Variants in GOSR1 observed in about 807,000 individuals in gnomAD.
The protein encoded by GOSR1 is golgi SNAP receptor complex member 1, also known as 28 kDa Golgi SNARE protein.
In GOSR1, 21 loss-of-function variants were observed where a neutral mutation model predicts 35.5. That is an observed-to-expected ratio of 0.59 (90% CI 0.42 to 0.85). The LOEUF (loss-of-function observed/expected upper bound fraction) is 0.85, where lower values mean the gene tolerates loss of function less well. GOSR1 is among the 40% of genes least tolerant of loss of function. GOSR1 has a pLI of 0.00. For synonymous variants in GOSR1, 94 were observed against 106.6 expected (o/e 0.88, Z 0.73); for missense variants, 285 against 309.6 (o/e 0.92, Z 0.60).
chr17:30,482,361 TTAA>T (rs753443266), intron 2 of GOSR1, among the ~76,000 whole-genome samples: 7 of 152,238 alleles, frequency 4.6e-5, no homozygotes, highest in Non-Finnish European at 8.8e-5. Flanking sequence ...TTTTTGCTAA[TTAA>T]TAATAATTTT....
intron 6 of GOSR1, among the ~76,000 whole-genome samples, chr17:30,505,733 T>C (rs1967377029): frequency 6.6e-6 from 1 of 152,136 alleles, no homozygotes; most frequent in Non-Finnish European, 1.5e-5. Flanking sequence ...GGGGGTTTTT[T>C]TGTTTTGTTT....
intron 6 of GOSR1, among the ~76,000 whole-genome samples, chr17:30,499,453 T>A (rs1219146229): frequency 6.6e-6 from 1 of 151,490 alleles, no homozygotes; most frequent in African/African-American, 2.4e-5. Flanking sequence ...GACATTCTCC[T>A]GCCTCAGCCT....
intron 8 of GOSR1, 75 bp from the exon 9 acceptor site, chr17:30,522,179 C>G: frequency 8.1e-7 from 1 of 1,230,038 alleles, no homozygotes. Flanking sequence ...CCACTGATCT[C>G]TATTTTTGTG....
rs952357976 is a variant in GOSR1, at chr17:30,510,892, G to A, written c.522G>A (p.Leu174=). ...TTTTTATTTGCAGCTCAGATCGTCT[G>A]ATAGAAGAGACAATAAGGTAGGAAT... ...EHDHLRNSDR[L]IEETISIAMA... The change falls in exon 7 of 9, where the codon CTG becomes CTA. Residue 174 remains leucine (L), a synonymous_variant. Coordinates refer to ENST00000451249, the MANE Select transcript of GOSR1 (RefSeq NM_001007025.2). 10 of 1,543,462 alleles carry A rather than the reference G, an allele frequency of 6.5e-6. No homozygotes were observed. In the East Asian group the frequency reaches 2.0e-4, roughly 31 times the overall value.
At chr17:30,481,388 T>C in intron 2 of GOSR1, 131 bp downstream of exon 2, 2 of 562,934 alleles carry the variant, frequency 3.6e-6, no homozygotes, top group South Asian at 5.7e-5. Context: ...TTGCCATTCA[T>C]TGTTTTATTT....
At chr17:30,509,825 CA>C (rs1156708634) in intron 6 of GOSR1, among the ~76,000 whole-genome samples, 4 of 152,076 alleles carry the variant, frequency 2.6e-5, no homozygotes, top group African/African-American at 9.6e-5. Flanking sequence ...GCCTGTTTCC[CA>C]AAAAAGAAAT....
chr17:30,520,952 A>G (rs1055337514), intron 8 of GOSR1, among the ~76,000 whole-genome samples: 10 of 151,440 alleles, frequency 6.6e-5, no homozygotes, highest in African/African-American at 2.5e-4. Flanking sequence ...TTACTAAACT[A>G]TGAACTCAAT....
At chr17:30,509,560 T>C (rs866824510) in intron 6 of GOSR1, among the ~76,000 whole-genome samples, 1 of 152,236 alleles carries the variant, frequency 6.6e-6, no homozygotes, top group African/African-American at 2.4e-5. Flanking sequence ...CATGCAGATA[T>C]TTATTTGAGT....
chr17:30,524,450 A>G lies in GOSR1; in HGVS notation c.*2072A>G, dbSNP rs1415115747. ...ACTGTAAAACTGTCTTTTTCTTTTAAATTACAAGTACACTGGGGTTAACTG... is the reference window on the plus strand; with the variant it reads ...ACTGTAAAACTGTCTTTTTCTTTTAGATTACAAGTACACTGGGGTTAACTG... On this transcript the variant is annotated 3_prime_UTR_variant, in exon 9 of 9. Transcript: ENST00000451249. 1 of 152,194 alleles carries G rather than the reference A, an allele frequency of 6.6e-6. No homozygotes were observed. Among genetic ancestry groups the G allele is most frequent in the African/African-American group, 2.4e-5 (1 of 41,432 alleles). The allele number at this position is 152,194 out of a possible 1,614,324, so 9.4% of individuals were successfully genotyped here. A position where few individuals can be genotyped will look rare whatever the true frequency, so the allele number is the denominator to read the frequency against.
intron 6 of GOSR1, among the ~76,000 whole-genome samples, chr17:30,502,103 A>G (rs1351422693): frequency 1.3e-5 from 2 of 152,234 alleles, no homozygotes; most frequent in African/African-American, 2.4e-5. Flanking sequence ...CAGTCTGTGA[A>G]GGCTACATAC....
In GOSR1 at chr17:30,493,872, G is replaced by A. The variant is rs141518554; in HGVS notation, c.509+1119G>A. ...CATTTCCCTAATGTTGGCCTTTTGG[G>A]TTATGTTCTGTTTTTACTATTATAC... On this transcript the variant is annotated intron_variant, in intron 6 of 8. Coordinates refer to ENST00000451249, the MANE Select transcript of GOSR1 (RefSeq NM_001007025.2). Among the ~76,000 whole-genome samples, 294 of 152,020 alleles carry A rather than the reference G, an allele frequency of 1.9e-3. 1 individual carries two copies. Among genetic ancestry groups the A allele is most frequent in the African/African-American group, 6.8e-3 (281 of 41,474 alleles).
intron 4 of GOSR1, among the ~76,000 whole-genome samples, chr17:30,487,548 G>A (rs1160553946): frequency 6.6e-6 from 1 of 152,148 alleles, no homozygotes; most frequent in Non-Finnish European, 1.5e-5. Flanking sequence ...AACATTTTCA[G>A]CAGTATTTCC....
At chr17:30,513,648 C>T (rs2143871289) in intron 7 of GOSR1, among the ~76,000 whole-genome samples, 1 of 152,254 alleles carries the variant, frequency 6.6e-6, no homozygotes, top group Middle Eastern at 3.4e-3. Flanking sequence ...GGTGATAGTT[C>T]CAGTTTGAAA....
chr17:30,482,039 C>G (rs1249729284), intron 2 of GOSR1, among the ~76,000 whole-genome samples: 1 of 151,974 alleles, frequency 6.6e-6, no homozygotes, highest in Non-Finnish European at 1.5e-5. Flanking sequence ...ATATCATGAA[C>G]CCCCATGACC....
At chr17:30,487,826 A>G (rs933198001) in intron 4 of GOSR1, among the ~76,000 whole-genome samples, 1 of 150,940 alleles carries the variant, frequency 6.6e-6, no homozygotes, top group Non-Finnish European at 1.5e-5. Context: ...GGAGTATTGG[A>G]GTGCAATGGT....
At chr17:30,488,906 T>C (rs1290936861) in intron 4 of GOSR1, among the ~76,000 whole-genome samples, 1 of 152,180 alleles carries the variant, frequency 6.6e-6, no homozygotes, top group Non-Finnish European at 1.5e-5. Flanking sequence ...ATTTATTAAA[T>C]TGTGATAGTC....
chr17:30,511,732 T>C (rs1316629498), intron 7 of GOSR1, among the ~76,000 whole-genome samples: 7 of 152,152 alleles, frequency 4.6e-5, no homozygotes, highest in Non-Finnish European at 7.4e-5. Flanking sequence ...GGTTTCATCA[T>C]GTTGGCCAGT....
intron 6 of GOSR1, among the ~76,000 whole-genome samples, chr17:30,508,131 T>C (rs1244017668): frequency 3.9e-5 from 6 of 152,252 alleles, no homozygotes; most frequent in Non-Finnish European, 7.3e-5. Context: ...TTAACTTGTT[T>C]AGTAAGACAT....
At chr17:30,514,848 AT>A (rs564649922) in intron 7 of GOSR1, among the ~76,000 whole-genome samples, 61 of 152,256 alleles carry the variant, frequency 4.0e-4, no homozygotes, top group Middle Eastern at 3.4e-3. Context: ...CAATTCTTCT[AT>A]TACATTTTTA....
Sources: gnomAD v4.1 joint callset for allele counts (sites outside exome capture counted in the v4.1 genomes callset) on GRCh38, gnomAD v4.1.1 for gene constraint, MANE v1.5 for transcripts, NCBI Gene and HGNC (gene_info 2026-07-23, HGNC 2026-07-21) for gene names.